The following ZNF138 variants were observed in gnomAD, a reference collection of about 807,000 sequenced individuals.
ZNF138 encodes zinc finger protein 138, also known as zinc finger protein 138 (clone pHZ-32).
A neutral mutation model predicts 33.0 loss-of-function variants in ZNF138; 33 were observed. The ratio of observed to expected loss-of-function variants is 1.00; its 90% CI spans 0.76 to 1.34. The LOEUF is 1.34. Ranked by LOEUF, ZNF138 falls within the 40% of genes most tolerant of loss-of-function variation. ZNF138 has a pLI of 0.00. For missense variants in ZNF138, 360 were observed against 370.8 expected (o/e 0.97, Z 0.24); for synonymous variants, 139 against 120.4 (o/e 1.15, Z -1.01).
intron 1 of ZNF138, among the ~76,000 whole-genome samples, chr7:64,795,727 G>C (rs190287316): frequency 6.6e-6 from 1 of 150,502 alleles, no homozygotes; most frequent in Non-Finnish European, 1.5e-5. Flanking sequence ...GATCTTATCA[G>C]AATATTTTTG....
intron 3 of ZNF138, among the ~76,000 whole-genome samples, chr7:64,824,045 G>A (rs1048358231): frequency 2.0e-5 from 3 of 152,182 alleles, no homozygotes; most frequent in African/African-American, 4.8e-5. Flanking sequence ...TGGAAAGTTT[G>A]CACATAACTG....
At chr7:64,859,201 C>T in the ZNF138 span, among the ~76,000 whole-genome samples, 1 of 152,270 alleles carries the variant, frequency 6.6e-6, no homozygotes, top group East Asian at 1.9e-4. Context: ...GCTGGGATTA[C>T]AGGCATGAGC....
chr7:64,846,026 T>C, the ZNF138 span, among the ~76,000 whole-genome samples: 1 of 152,188 alleles, frequency 6.6e-6, no homozygotes, highest in Non-Finnish European at 1.5e-5. Flanking sequence ...GTTGTCCTTT[T>C]CCCACTTTAT....
At chr7:64,858,910 T>C in the ZNF138 span, among the ~76,000 whole-genome samples, 2 of 152,210 alleles carry the variant, frequency 1.3e-5, no homozygotes, top group Non-Finnish European at 2.9e-5. Context: ...TTTAGGTTGA[T>C]TCCATATCTT....
At chr7:64,829,759 T>TAATGCTAAG (rs1789931475) in intron 3 of ZNF138, among the ~76,000 whole-genome samples, 1 of 151,952 alleles carries the variant, frequency 6.6e-6, no homozygotes, top group African/African-American at 2.4e-5. Context: ...ACTATTATGA[T>TAATGCTAAG]AATGCTAAGG....
the ZNF138 span, among the ~76,000 whole-genome samples, chr7:64,851,331 C>G: frequency 1.3e-5 from 2 of 152,134 alleles, no homozygotes; most frequent in South Asian, 4.1e-4. Context: ...TATACAACAG[C>G]AATTTAAAAA....
chr7:64,816,437 A>G (rs1788644176), intron 3 of ZNF138, among the ~76,000 whole-genome samples: 1 of 148,612 alleles, frequency 6.7e-6, no homozygotes, highest in African/African-American at 2.5e-5. Context: ...TCAGAAGTTT[A>G]TTATTGTAAT....
At chr7:64,814,013 C>A in intron 1 of ZNF138, 1 of 1,179,806 alleles carries the variant, frequency 8.5e-7, no homozygotes, top group Non-Finnish European at 1.1e-6. Flanking sequence ...GTTTCCTTTG[C>A]ATATATCTGT....
the ZNF138 span, among the ~76,000 whole-genome samples, chr7:64,841,609 ACT>A: frequency 6.6e-6 from 1 of 151,438 alleles, no homozygotes; most frequent in East Asian, 1.9e-4. Flanking sequence ...CTAAAGAGAA[ACT>A]CTGTTTCTTT....
intron 1 of ZNF138, among the ~76,000 whole-genome samples, chr7:64,811,209 T>G (rs988966865): frequency 6.6e-6 from 1 of 152,222 alleles, no homozygotes; most frequent in Non-Finnish European, 1.5e-5. Flanking sequence ...TATTAAACAC[T>G]TAATACCAGC....
At chr7:64,812,238 A>G (rs1207454565) in intron 1 of ZNF138, among the ~76,000 whole-genome samples, 1 of 151,434 alleles carries the variant, frequency 6.6e-6, no homozygotes, top group African/African-American at 2.4e-5. Flanking sequence ...GGCTCAATTC[A>G]GCCTTCACCT....
the ZNF138 span, among the ~76,000 whole-genome samples, chr7:64,840,487 G>A: frequency 6.6e-6 from 1 of 151,836 alleles, no homozygotes; most frequent in African/African-American, 2.4e-5. Flanking sequence ...GTCATTATAT[G>A]GCATTTTTTG....
intron 1 of ZNF138, among the ~76,000 whole-genome samples, chr7:64,803,756 A>G (rs955802664): frequency 3.3e-5 from 5 of 152,046 alleles, no homozygotes; most frequent in Non-Finnish European, 5.9e-5. Context: ...ATTTTTAAAA[A>G]TCCTATGTAC....
intron 1 of ZNF138, among the ~76,000 whole-genome samples, chr7:64,797,344 T>C (rs1301115981): frequency 6.6e-6 from 1 of 152,212 alleles, no homozygotes; most frequent in African/African-American, 2.4e-5. Flanking sequence ...ACTTTTGCAT[T>C]TGAGATATGT....
At chr7:64,824,605 A>T (rs1789420805) in intron 3 of ZNF138, among the ~76,000 whole-genome samples, 1 of 152,160 alleles carries the variant, frequency 6.6e-6, no homozygotes. Context: ...ACTTTTGTCA[A>T]TATTTGCTTT....
At chr7:64,853,257 A>C in the ZNF138 span, 5 of 1,610,652 alleles carry the variant, frequency 3.1e-6, no homozygotes, top group Non-Finnish European at 4.2e-6. Flanking sequence ...ATCTTGGGGC[A>C]CTTTGTAGCC....
At chr7:64,802,899 T>TCTATG (rs1787260451) in intron 1 of ZNF138, among the ~76,000 whole-genome samples, 1 of 151,748 alleles carries the variant, frequency 6.6e-6, no homozygotes, top group Non-Finnish European at 1.5e-5. Context: ...CCCTGCCTCG[T>TCTATG]TTTGTCTTGT....
Position 64,832,039 on chromosome 7 carries a change from T to G in ZNF138, c.797T>G (p.Leu266Arg), listed in dbSNP as rs1280471070. The stretch of plus-strand genomic sequence containing the variant: ...AAAGCCTTTAAACAGTCCTCACACC[T>G]TACTAGACATAAGATAATTCATACT... ...CGKAFKQSSH[L>R]TRHKIIHTEE... is the part of the protein sequence containing the mutation. Residue 266 changes from leucine to arginine, a missense_variant, in exon 4 of 4, where the codon CTT (leucine) becomes CGT (arginine). Coordinates refer to ENST00000307355, the MANE Select transcript of ZNF138 (RefSeq NM_001271639.2). 1 of 1,613,908 alleles carries G rather than the reference T, an allele frequency of 6.2e-7. No homozygotes were observed.
intron 1 of ZNF138, among the ~76,000 whole-genome samples, chr7:64,812,382 A>T (rs1395361917): frequency 6.6e-6 from 1 of 152,052 alleles, no homozygotes; most frequent in Admixed American, 6.6e-5. Context: ...ATGGTCTTGA[A>T]ATCCTGGCCT....
Sources: allele counts gnomAD v4.1 joint callset (sites outside exome capture counted in the v4.1 genomes callset), GRCh38; gene constraint gnomAD v4.1.1; transcripts MANE v1.5; gene names NCBI Gene and HGNC (gene_info 2026-07-23, HGNC 2026-07-21).